Variants in CPVL observed in about 807,000 individuals in gnomAD.
CPVL encodes the protein carboxypeptidase vitellogenic like, also known as probable serine carboxypeptidase CPVL.
A neutral mutation model predicts 63.7 loss-of-function variants in CPVL; 51 were observed. The observed-to-expected ratio is 0.80, with a 90% CI of 0.64 to 1.01. The LOEUF is 1.01. Ranked by LOEUF, CPVL falls within the 50% of genes least tolerant of loss-of-function variation. The pLI, the probability that CPVL is intolerant of heterozygous loss-of-function variation, is 0.00. For synonymous variants in CPVL, 195 were observed against 206.0 expected, an observed-to-expected ratio of 0.95 and a Z score of 0.46; for missense variants, 530 against 573.1, an observed-to-expected ratio of 0.92 and a Z score of 0.77.
chr7:29,134,769 C>G lies in CPVL; in HGVS notation c.-11+11660G>C, dbSNP rs914167723. Among the ~76,000 whole-genome samples, 12 of 151,702 alleles carry G rather than the reference C, an allele frequency of 7.9e-5. 1 individual carries two copies. The highest frequency in any genetic ancestry group is 2.9e-4 in the African/African-American group (12 of 41,304). ...AATTAGAAGATTGGTTCCAGAAGAC[C>G]AATATCTGACTAATGGGAGTTCCAG... On this transcript the variant is annotated intron_variant, in intron 1 of 12. Coordinates refer to ENST00000265394, the MANE Select transcript of CPVL (RefSeq NM_031311.5).
At chr7:29,113,521 G>T (rs1463029996) in intron 2 of CPVL, among the ~76,000 whole-genome samples, 2 of 152,252 alleles carry the variant, frequency 1.3e-5, no homozygotes, top group Non-Finnish European at 2.9e-5. Flanking sequence ...GAGTAATTGG[G>T]GATGCTTAGA....
At chr7:29,105,008 C>A (rs1226446622) in intron 3 of CPVL, among the ~76,000 whole-genome samples, 1 of 152,146 alleles carries the variant, frequency 6.6e-6, no homozygotes, top group African/African-American at 2.4e-5. Context: ...TCTTCTATAT[C>A]TCTGATGCCA....
intron 10 of CPVL, 68 bp from the exon 11 acceptor site, chr7:29,064,302 G>A: frequency 1.0e-6 from 1 of 978,812 alleles, no homozygotes; most frequent in Non-Finnish European, 1.5e-6. Context: ...GTTGGGAAAA[G>A]CTGTGAATTT....
At chr7:29,119,543 T>C (rs1390076334) in intron 2 of CPVL, among the ~76,000 whole-genome samples, 3 of 147,378 alleles carry the variant, frequency 2.0e-5, no homozygotes, top group Non-Finnish European at 4.5e-5. Flanking sequence ...TAGCCTCTGA[T>C]AACACTAAGT....
chr7:29,166,035 TTGTC>T (rs540811544), intron 5 of CPVL, among the ~76,000 whole-genome samples: 2 of 152,310 alleles, frequency 1.3e-5, no homozygotes, highest in South Asian at 2.1e-4. Context: ...GGGTTTTTGT[TTGTC>T]TGTTTGTTTT....
chr7:29,057,225 G>T (rs1790831348), intron 11 of CPVL, among the ~76,000 whole-genome samples: 1 of 151,814 alleles, frequency 6.6e-6, no homozygotes, highest in Admixed American at 6.6e-5. Flanking sequence ...TGGAGTGCTG[G>T]GATTATAGAC....
chr7:29,174,155 A>T (rs1353521021), intron 5 of CPVL, among the ~76,000 whole-genome samples: 1 of 152,038 alleles, frequency 6.6e-6, no homozygotes, highest in Admixed American at 6.6e-5. Context: ...GTGGCACAGG[A>T]TGCAGGAGGA....
intron 12 of CPVL, among the ~76,000 whole-genome samples, chr7:29,029,307 T>A (rs2128151818): frequency 6.6e-6 from 1 of 152,324 alleles, no homozygotes; most frequent in South Asian, 2.1e-4. Flanking sequence ...ACTTGATATT[T>A]TTCTAAAGGA....
In CPVL at chr7:29,042,198, A is replaced by C. The variant is rs369063838; in HGVS notation, c.1138-11439T>G. Among the ~76,000 whole-genome samples, 12 of 152,298 alleles carry C rather than the reference A, an allele frequency of 7.9e-5. No individual in the cohort carries two copies. The South Asian group carries it at 1.5e-3, about 18-fold the overall frequency. ...GAGGAGCAGCAGATACTCCCATAAT[A>C]GCTATCATTACAGGGGAGCAGACAG... On this transcript the variant is annotated intron_variant, in intron 11 of 12. Transcript: ENST00000265394.
intron 4 of CPVL, chr7:29,181,546 T>C (rs1427632246): frequency 6.6e-6 from 1 of 152,214 alleles, no homozygotes; most frequent in Non-Finnish European, 1.5e-5. Flanking sequence ...TGAATTATTG[T>C]AGATTAATAG....
intron 7 of CPVL, among the ~76,000 whole-genome samples, chr7:29,075,541 A>G (rs1347138505): frequency 7.7e-6 from 1 of 129,184 alleles, no homozygotes; most frequent in Non-Finnish European, 1.7e-5. Context: ...AAAAAAAGCC[A>G]TCACTGACAG....
chr7:29,134,024 A>G (rs898902024), intron 1 of CPVL, among the ~76,000 whole-genome samples: 1 of 152,152 alleles, frequency 6.6e-6, no homozygotes, highest in African/African-American at 2.4e-5. Flanking sequence ...TCTGCAGCAA[A>G]TTCATTATTT....
At chr7:29,164,788 A>AAC (rs1056942055) in intron 5 of CPVL, among the ~76,000 whole-genome samples, 1 of 151,648 alleles carries the variant, frequency 6.6e-6, no homozygotes, top group African/African-American at 2.4e-5. Context: ...TCAAAAAAAA[A>AAC]AAAAAAAAAA....
intron 11 of CPVL, among the ~76,000 whole-genome samples, chr7:29,063,732 A>G (rs750485327): frequency 5.0e-4 from 76 of 151,952 alleles, no homozygotes; most frequent in Non-Finnish European, 1.1e-3. Flanking sequence ...CACCATGTCC[A>G]GCTAGTTTTT....
intron 1 of CPVL, among the ~76,000 whole-genome samples, chr7:29,132,662 C>T (rs1278447832): frequency 2.0e-5 from 3 of 152,164 alleles, no homozygotes; most frequent in African/African-American, 4.8e-5. Flanking sequence ...CAGCCTCCCT[C>T]GTTAATCAAG....
chr7:29,145,291 C>T (rs1792385295), intron 1 of CPVL, among the ~76,000 whole-genome samples: 1 of 151,870 alleles, frequency 6.6e-6, no homozygotes, highest in Non-Finnish European at 1.5e-5. Context: ...ATGAGTTGTA[C>T]ATTTAGCCGG....
At chr7:29,105,106 G>A (rs192530558) in intron 3 of CPVL, among the ~76,000 whole-genome samples, 162 of 152,246 alleles carry the variant, frequency 1.1e-3, no homozygotes, top group Non-Finnish European at 1.9e-4. Context: ...CACTGCTGGT[G>A]GATTTGTATC....
rs675406 is a variant in CPVL, at chr7:29,004,291, G to A, written c.1321-8409C>T. On this transcript the variant is annotated intron_variant, in intron 12 of 12. Transcript: ENST00000265394. Reference sequence around the variant, plus strand: ...GGGTACTCAAATGAGAAGAAATCTTGTGATACGTTCCTTCCTTTTAGAGAG... The same window carrying A: ...GGGTACTCAAATGAGAAGAAATCTTATGATACGTTCCTTCCTTTTAGAGAG... Among the ~76,000 whole-genome samples, 1,376 of 152,254 alleles carry A rather than the reference G, an allele frequency of 9.0e-3. 11 individuals are homozygous for A. Among genetic ancestry groups the A allele is most frequent in the African/African-American group, 0.024 (1,011 of 41,552 alleles).
At chr7:29,103,402 T>C (rs1787404755) in intron 3 of CPVL, among the ~76,000 whole-genome samples, 1 of 113,814 alleles carries the variant, frequency 8.8e-6, no homozygotes, top group Non-Finnish European at 1.8e-5. Flanking sequence ...TGCACCACCA[T>C]GCTCAGCTAT....
Sources: gnomAD v4.1 joint callset for allele counts (sites outside exome capture counted in the v4.1 genomes callset) on GRCh38, gnomAD v4.1.1 for gene constraint, MANE v1.5 for transcripts, NCBI Gene and HGNC (gene_info 2026-07-23, HGNC 2026-07-21) for gene names.